Variants in PLPPR1 observed in about 807,000 individuals in gnomAD.
PLPPR1 encodes phospholipid phosphatase related 1, also known as phospholipid phosphatase-related protein type 1.
Under a neutral mutation model 33.1 loss-of-function variants are expected in PLPPR1, and 10 were observed. The observed-to-expected ratio is 0.30, with a 90% CI of 0.19 to 0.51. PLPPR1 has a LOEUF of 0.51. Among genes scored for constraint, PLPPR1 ranks in the 20% least tolerant of loss-of-function variants. PLPPR1 has a pLI of 0.97. For missense variants in PLPPR1, 304 were observed against 408.1 expected (o/e 0.74, Z 2.20); for synonymous variants, 151 against 151.0 (o/e 1.00, Z 0.00).
intron 1 of PLPPR1, among the ~76,000 whole-genome samples, chr9:101,175,214 C>G (rs1322959527): frequency 6.6e-6 from 1 of 152,130 alleles, no homozygotes; most frequent in Non-Finnish European, 1.5e-5. Context: ...CTCTAACAAA[C>G]CTTTACTTAT....
intron 2 of PLPPR1, among the ~76,000 whole-genome samples, chr9:101,195,533 G>C (rs764063225): frequency 6.6e-6 from 1 of 152,092 alleles, no homozygotes; most frequent in Non-Finnish European, 1.5e-5. Flanking sequence ...GCAGAGACCA[G>C]TTTGCCAAGT....
intron 1 of PLPPR1, among the ~76,000 whole-genome samples, chr9:101,127,196 T>TTGACGATGTGTCCTC (rs1831256512): frequency 6.6e-6 from 1 of 152,248 alleles, no homozygotes; most frequent in Non-Finnish European, 1.5e-5. Context: ...CGGGTGTCCT[T>TTGACGATGTGTCCTC]TGACGATGTG....
chr9:101,061,851 A>G (rs991884965), intron 1 of PLPPR1, among the ~76,000 whole-genome samples: 15 of 152,168 alleles, frequency 9.9e-5, no homozygotes, highest in African/African-American at 3.4e-4. Context: ...CTTTAATATG[A>G]TAACCTCTAC....
chr9:101,218,515 G>A (rs1270622210), intron 2 of PLPPR1, among the ~76,000 whole-genome samples: 2 of 152,094 alleles, frequency 1.3e-5, no homozygotes, highest in Admixed American at 6.5e-5. Context: ...CAAAATAGAT[G>A]TAGATAACAC....
chr9:101,324,927 C>T lies in PLPPR1; in HGVS notation c.*870C>T, dbSNP rs541231183. 8.5e-5 allele frequency: 13 copies of T among 152,730 alleles called. No homozygotes were observed. Among genetic ancestry groups the T allele is most frequent in the African/African-American group, 3.1e-4 (13 of 41,572 alleles). The allele number at this position is 152,730 out of a possible 1,614,324, so 9.5% of individuals were successfully genotyped here. A position where few individuals can be genotyped will look rare whatever the true frequency, so the allele number is the denominator to read the frequency against. On this transcript the variant is annotated 3_prime_UTR_variant, in exon 8 of 8. Transcript: ENST00000374874. ...ACATAGGGCCCCAGAACAACAGTTT[C>T]ACTTTGTGGCTTTTAATTATTCTAG...
intron 2 of PLPPR1, among the ~76,000 whole-genome samples, chr9:101,259,716 A>T (rs1827862683): frequency 6.6e-6 from 1 of 152,190 alleles, no homozygotes; most frequent in African/African-American, 2.4e-5. Flanking sequence ...AAGACATGAG[A>T]CATCAATTAA....
intron 1 of PLPPR1, among the ~76,000 whole-genome samples, chr9:101,144,527 G>A (rs1831497959): frequency 6.6e-6 from 1 of 152,282 alleles, no homozygotes; most frequent in South Asian, 2.1e-4. Flanking sequence ...GGGTGACCAT[G>A]TGAAGACACA....
intron 1 of PLPPR1, among the ~76,000 whole-genome samples, chr9:101,149,427 C>T (rs1478319132): frequency 6.6e-6 from 1 of 152,174 alleles, no homozygotes; most frequent in Non-Finnish European, 1.5e-5. Context: ...ACCCCACAGT[C>T]TTATGGTTAT....
intron 1 of PLPPR1, among the ~76,000 whole-genome samples, chr9:101,152,798 G>A (rs1229149219): frequency 2.0e-5 from 3 of 152,148 alleles, no homozygotes; most frequent in Non-Finnish European, 2.9e-5. Context: ...TTTGGTTACT[G>A]TAGCCTTGTA....
intron 1 of PLPPR1, among the ~76,000 whole-genome samples, chr9:101,084,388 CTGACATGATGATGG>C (rs1388409072): frequency 6.6e-6 from 1 of 152,158 alleles, no homozygotes; most frequent in South Asian, 2.1e-4. Context: ...AATGATGATG[CTGACATGATGATGG>C]TGACAGTGAT....
At chr9:101,256,668 A>G (rs951744530) in intron 2 of PLPPR1, among the ~76,000 whole-genome samples, 1 of 152,098 alleles carries the variant, frequency 6.6e-6, no homozygotes, top group Non-Finnish European at 1.5e-5. Context: ...TGACATATGC[A>G]TAATAGTGAA....
At chr9:101,121,347 G>A (rs1424417598) in intron 1 of PLPPR1, among the ~76,000 whole-genome samples, 1 of 152,038 alleles carries the variant, frequency 6.6e-6, no homozygotes, top group African/African-American at 2.4e-5. Context: ...CATTCCACAG[G>A]TAAAGAAACT....
chr9:101,147,695 T>TG (rs1056326187), intron 1 of PLPPR1, among the ~76,000 whole-genome samples: 26 of 152,230 alleles, frequency 1.7e-4, no homozygotes, highest in Non-Finnish European at 2.2e-4. Flanking sequence ...TTTGGGAGTG[T>TG]GGGGGGAAGG....
At chr9:101,290,089 A>T (rs965357616) in intron 4 of PLPPR1, among the ~76,000 whole-genome samples, 19 of 152,206 alleles carry the variant, frequency 1.2e-4, no homozygotes, top group Admixed American at 8.5e-4. Flanking sequence ...AGTATATGTG[A>T]ATTTTTTTCA....
intron 1 of PLPPR1, among the ~76,000 whole-genome samples, chr9:101,084,313 C>T (rs2118518015): frequency 6.6e-6 from 1 of 152,278 alleles, no homozygotes; most frequent in Admixed American, 6.5e-5. Context: ...ACTAAAGGAA[C>T]TAAAACTCTT....
At chr9:101,130,363 T>A (rs1419609532) in intron 1 of PLPPR1, among the ~76,000 whole-genome samples, 1 of 152,138 alleles carries the variant, frequency 6.6e-6, no homozygotes, top group Non-Finnish European at 1.5e-5. Context: ...GCTCTGCCAC[T>A]TTATCAGCTG....
intron 2 of PLPPR1, among the ~76,000 whole-genome samples, chr9:101,201,532 C>T (rs929673421): frequency 1.3e-5 from 2 of 152,144 alleles, no homozygotes; most frequent in Non-Finnish European, 2.9e-5. Flanking sequence ...CAGCAGGTTA[C>T]TGACCATCTC....
intron 4 of PLPPR1, among the ~76,000 whole-genome samples, chr9:101,290,534 C>T (rs1828476488): frequency 6.6e-6 from 1 of 152,190 alleles, no homozygotes; most frequent in Admixed American, 6.5e-5. Context: ...TGCAATTTGA[C>T]AGTGTATTTC....
chr9:101,268,574 T>C (rs1828040616), intron 2 of PLPPR1, among the ~76,000 whole-genome samples: 1 of 152,208 alleles, frequency 6.6e-6, no homozygotes, highest in African/African-American at 2.4e-5. Flanking sequence ...TTTGCTTTTT[T>C]CCTACAGATC....
Sources: gnomAD v4.1 joint callset for allele counts (sites outside exome capture counted in the v4.1 genomes callset) on GRCh38, gnomAD v4.1.1 for gene constraint, MANE v1.5 for transcripts, NCBI Gene and HGNC (gene_info 2026-07-23, HGNC 2026-07-21) for gene names.